Variants in UBAC2 observed in about 807,000 individuals in gnomAD.
UBAC2 encodes the protein ubiquitin-associated domain-containing protein 2.
A neutral mutation model predicts 44.0 loss-of-function variants in UBAC2; 26 were observed. The observed-to-expected ratio is 0.59, with a 90% confidence interval of 0.43 to 0.82. The LOEUF (loss-of-function observed/expected upper bound fraction) is 0.82, where lower values mean the gene tolerates loss of function less well. Among genes scored for constraint, UBAC2 ranks in the 40% least tolerant of loss-of-function variants. The pLI, the probability that UBAC2 is intolerant of heterozygous loss-of-function variation, is 0.00. For missense variants in UBAC2, 329 were observed against 419.4 expected, an observed-to-expected ratio of 0.78 and a Z score of 1.88; for synonymous variants, 155 against 154.3, an observed-to-expected ratio of 1.00 and a Z score of -0.04.
At chr13:99,350,564 G>C (rs12877480) in intron 7 of UBAC2, among the ~76,000 whole-genome samples, 28,202 of 152,262 alleles carry the variant, frequency 0.19, 2,765 homozygotes, top group Middle Eastern at 0.23. Flanking sequence ...GGTGCAGGGG[G>C]TGCCAGAGAG....
intron 8 of UBAC2, among the ~76,000 whole-genome samples, chr13:99,379,305 A>G (rs2045521004): frequency 6.6e-6 from 1 of 152,230 alleles, no homozygotes. Context: ...TTCTGGAGCA[A>G]TAAAACCAAA....
chr13:99,204,394 A>G (rs2042843023), intron 1 of UBAC2, among the ~76,000 whole-genome samples: 1 of 152,182 alleles, frequency 6.6e-6, no homozygotes. Context: ...AGGGCTTGGC[A>G]GAGAGGCAGG....
chr13:99,277,784 T>G (rs1189297203), intron 4 of UBAC2, among the ~76,000 whole-genome samples: 1 of 151,506 alleles, frequency 6.6e-6, no homozygotes, highest in Non-Finnish European at 1.5e-5. Flanking sequence ...TTTGAGTATT[T>G]CAGGCACTCT....
intron 7 of UBAC2, among the ~76,000 whole-genome samples, chr13:99,366,338 G>A (rs1923895): frequency 0.58 from 87,489 of 151,948 alleles, 26,864 homozygotes; most frequent in Non-Finnish European, 0.71. Context: ...TGGATTTTGT[G>A]GTTTTGAATT....
intron 7 of UBAC2, among the ~76,000 whole-genome samples, chr13:99,343,589 C>G (rs527772291): frequency 5.3e-4 from 81 of 152,360 alleles, no homozygotes; most frequent in African/African-American, 1.9e-3. Flanking sequence ...AGCAGGACAC[C>G]AGCCCCTGGG....
At chr13:99,319,329 T>C (rs1024342366) in intron 6 of UBAC2, among the ~76,000 whole-genome samples, 1 of 152,262 alleles carries the variant, frequency 6.6e-6, no homozygotes, top group Non-Finnish European at 1.5e-5. Flanking sequence ...TTTATTTCTT[T>C]CTTAGAAAAG....
chr13:99,264,725 C>T (rs1180727159), intron 4 of UBAC2, among the ~76,000 whole-genome samples: 1 of 152,194 alleles, frequency 6.6e-6, no homozygotes, highest in East Asian at 1.9e-4. Context: ...CAACTCTTTG[C>T]ATTGCAGAGA....
At chr13:99,337,284 A>G (rs9557201) in intron 6 of UBAC2, among the ~76,000 whole-genome samples, 41,329 of 151,908 alleles carry the variant, frequency 0.27, 5,772 homozygotes, top group Middle Eastern at 0.38. Context: ...CTTCCTATTC[A>G]TGGAACTGGT....
chr13:99,300,203 G>A (rs1476756270), intron 4 of UBAC2, among the ~76,000 whole-genome samples: 3 of 152,246 alleles, frequency 2.0e-5, no homozygotes, highest in Non-Finnish European at 4.4e-5. Context: ...AGCTCCAAGG[G>A]TAGCCTGTTG....
chr13:99,219,027 T>G (rs771026225), intron 1 of UBAC2, among the ~76,000 whole-genome samples: 6 of 152,218 alleles, frequency 3.9e-5, no homozygotes, highest in Non-Finnish European at 8.8e-5. Flanking sequence ...AAAGTTACTT[T>G]ATGAGACACC....
intron 4 of UBAC2, among the ~76,000 whole-genome samples, chr13:99,260,036 T>G (rs1318921025): frequency 6.6e-6 from 1 of 152,184 alleles, no homozygotes; most frequent in Non-Finnish European, 1.5e-5. Flanking sequence ...CTGGCTACAT[T>G]TGCTCTTCCT....
chr13:99,296,293 A>C lies in UBAC2; in HGVS notation c.390-17804A>C, dbSNP rs760922629. The C allele has an allele frequency of 4.2e-4, 256 of 602,390 alleles. 1 individual carries two copies. Among genetic ancestry groups the C allele is most frequent in the South Asian group, 1.1e-3 (28 of 26,438 alleles). The allele number at this position is 602,390 out of a possible 1,614,324, so 37.3% of individuals were successfully genotyped here. A position where few individuals can be genotyped will look rare whatever the true frequency, so the allele number is the denominator to read the frequency against. ...CTGTCTTTTATATATCTAAGTTTTA[A>C]AATTTCATGACATGCAATTTTTAAC... On this transcript the variant is annotated intron_variant, in intron 4 of 8. Transcript: ENST00000403766.
intron 1 of UBAC2, among the ~76,000 whole-genome samples, chr13:99,227,577 T>C (rs1199191522): frequency 3.0e-4 from 45 of 152,232 alleles, no homozygotes; most frequent in Admixed American, 2.9e-3. Context: ...GGGAAATATG[T>C]GGTGAATAAC....
intron 4 of UBAC2, chr13:99,313,454 C>G (rs1383181582): frequency 6.6e-6 from 1 of 152,078 alleles, no homozygotes; most frequent in African/African-American, 2.4e-5. Context: ...ACATTCAGAA[C>G]CAGGTGAGGG....
chr13:99,385,112 G>T (rs375136729), intron 8 of UBAC2, 116 bp from the exon 9 acceptor site: 356 of 740,260 alleles, frequency 4.8e-4, no homozygotes, highest in East Asian at 4.3e-3. Flanking sequence ...ATGAAAATTG[G>T]TTTTTTTGTA....
At chr13:99,310,126 A>C (rs375643508) in intron 4 of UBAC2, among the ~76,000 whole-genome samples, 1 of 152,244 alleles carries the variant, frequency 6.6e-6, no homozygotes, top group African/African-American at 2.4e-5. Context: ...CAGGAGTCTG[A>C]GATCACTGTG....
intron 4 of UBAC2, among the ~76,000 whole-genome samples, chr13:99,253,729 G>T (rs1363166563): frequency 6.6e-6 from 1 of 152,118 alleles, no homozygotes; most frequent in Non-Finnish European, 1.5e-5. Flanking sequence ...GGCCAGGCTG[G>T]TCTCGAACTC....
At chr13:99,239,470 A>C (rs902853103) in intron 2 of UBAC2, among the ~76,000 whole-genome samples, 15 of 152,320 alleles carry the variant, frequency 9.8e-5, no homozygotes, top group African/African-American at 3.4e-4. Context: ...CCCCAGAACA[A>C]CTGAGTCACA....
intron 7 of UBAC2, among the ~76,000 whole-genome samples, chr13:99,367,427 AAGCCCTG>A (rs2045346047): frequency 6.6e-6 from 1 of 152,186 alleles, no homozygotes; most frequent in African/African-American, 2.4e-5. Context: ...ACACCCTGCA[AAGCCCTG>A]AGCTCCTAAG....
Sources: gnomAD v4.1 joint callset for allele counts (sites outside exome capture counted in the v4.1 genomes callset) on GRCh38, gnomAD v4.1.1 for gene constraint, MANE v1.5 for transcripts, NCBI Gene and HGNC (gene_info 2026-07-23, HGNC 2026-07-21) for gene names.